CAMKMT: variants seen among roughly 807,000 people sequenced by gnomAD.
CAMKMT encodes the protein CaM KMT.
In CAMKMT, 53 loss-of-function variants were observed where a neutral mutation model predicts 48.0. That is an observed-to-expected ratio of 1.10 (90% confidence interval 0.89 to 1.39). The LOEUF is 1.39. Ranked by LOEUF, CAMKMT falls within the 40% of genes most tolerant of loss-of-function variation. The pLI is 0.00. For synonymous variants in CAMKMT, 165 were observed against 152.3 expected, an observed-to-expected ratio of 1.08 and a Z score of -0.61; for missense variants, 428 against 402.7, an observed-to-expected ratio of 1.06 and a Z score of -0.54.
intron 3 of CAMKMT, among the ~76,000 whole-genome samples, chr2:44,589,923 AAAT>A (rs1203730742): frequency 0.03 from 2,612 of 88,306 alleles, 137 homozygotes; most frequent in African/African-American, 0.089. Flanking sequence ...GAAAAAAAAA[AAAT>A]TTTAATTTCC....
intron 3 of CAMKMT, among the ~76,000 whole-genome samples, chr2:44,448,074 T>C (rs550280066): frequency 3.3e-5 from 5 of 152,340 alleles, no homozygotes; most frequent in Admixed American, 2.6e-4. Context: ...TGCACATTCA[T>C]CCAGTTTGTT....
At chr2:44,467,427 G>T (rs1022414426) in intron 3 of CAMKMT, among the ~76,000 whole-genome samples, 5 of 152,072 alleles carry the variant, frequency 3.3e-5, no homozygotes, top group Non-Finnish European at 7.4e-5. Context: ...AGCTGCTAGG[G>T]AGGATGAGAC....
intron 6 of CAMKMT, among the ~76,000 whole-genome samples, chr2:44,709,789 A>T (rs573403935): frequency 6.6e-6 from 1 of 152,272 alleles, no homozygotes; most frequent in South Asian, 2.1e-4. Context: ...TATTATTCAA[A>T]AATTACTTTC....
At chr2:44,706,399 C>A in intron 5 of CAMKMT, 58 bp downstream of exon 5, 1 of 1,548,680 alleles carries the variant, frequency 6.5e-7, no homozygotes, top group Non-Finnish European at 8.9e-7. Context: ...GAAAAATGTT[C>A]CAGGGCCTCC....
chr2:44,461,140 G>A (rs922018256), intron 3 of CAMKMT, among the ~76,000 whole-genome samples: 4 of 152,016 alleles, frequency 2.6e-5, no homozygotes, highest in Admixed American at 1.3e-4. Flanking sequence ...GTTTCCAGAC[G>A]GTCTAAAAAA....
intron 3 of CAMKMT, among the ~76,000 whole-genome samples, chr2:44,513,881 G>T (rs7588670): frequency 6.6e-6 from 1 of 151,688 alleles, no homozygotes. Flanking sequence ...TGGGCAGATC[G>T]CTTGAGCCCA....
At chr2:44,749,786 C>T (rs1680077668) in intron 8 of CAMKMT, among the ~76,000 whole-genome samples, 1 of 152,190 alleles carries the variant, frequency 6.6e-6, no homozygotes, top group Non-Finnish European at 1.5e-5. Flanking sequence ...CGCAACAGCC[C>T]CCTCTGAGCG....
At chr2:44,363,255 G>A (rs1282930807) in intron 1 of CAMKMT, among the ~76,000 whole-genome samples, 2 of 152,170 alleles carry the variant, frequency 1.3e-5, no homozygotes, top group African/African-American at 4.8e-5. Flanking sequence ...ATAAGAAAAT[G>A]CATGTCCTCA....
At chr2:44,759,365 C>T (rs74425796) in intron 9 of CAMKMT, among the ~76,000 whole-genome samples, 13,051 of 152,288 alleles carry the variant, frequency 0.086, 785 homozygotes, top group Non-Finnish European at 0.13. Context: ...AAGCAATCCT[C>T]CTCCTTGGCC....
Position 44,488,506 on chromosome 2 carries a change from TA to T in CAMKMT, c.376+98209del, listed in dbSNP as rs553955772. Among the ~76,000 whole-genome samples, 149 of 151,940 alleles carry T rather than the reference TA, an allele frequency of 9.8e-4. 1 individual carries two copies. Among genetic ancestry groups the T allele is most frequent in the African/African-American group, 3.4e-3 (141 of 41,474 alleles). Reference sequence around the variant, plus strand: ...GTAACAAGAGCAAAACTCTGTCTTTTAAAAAAAATTTGAGTATGTTATTAAT... The same window carrying T: ...GTAACAAGAGCAAAACTCTGTCTTTTAAAAAAATTTGAGTATGTTATTAAT... On this transcript the variant is annotated intron_variant, in intron 3 of 10. Transcript: ENST00000378494.
At chr2:44,558,053 TCA>T (rs1668114142) in intron 3 of CAMKMT, among the ~76,000 whole-genome samples, 1 of 151,356 alleles carries the variant, frequency 6.6e-6, no homozygotes, top group Non-Finnish European at 1.5e-5. Context: ...ATTCATTCAT[TCA>T]TTCATTCATT....
intron 7 of CAMKMT, among the ~76,000 whole-genome samples, chr2:44,731,549 G>C (rs960048523): frequency 6.6e-6 from 1 of 152,168 alleles, no homozygotes; most frequent in Non-Finnish European, 1.5e-5. Flanking sequence ...TTGAAACAGA[G>C]ACTCTCTGTT....
intron 3 of CAMKMT, among the ~76,000 whole-genome samples, chr2:44,493,843 A>G (rs1558655609): frequency 6.6e-6 from 1 of 152,080 alleles, no homozygotes; most frequent in Non-Finnish European, 1.5e-5. Context: ...TACTTTGTTT[A>G]TTTCCTTCAT....
intron 9 of CAMKMT, among the ~76,000 whole-genome samples, chr2:44,760,673 CT>C (rs1442665867): frequency 6.6e-6 from 1 of 151,278 alleles, no homozygotes; most frequent in East Asian, 2.0e-4. Flanking sequence ...AGACCAGGCT[CT>C]ACTGTATGGG....
rs117746724 is a variant in CAMKMT at position 44,412,238 on chromosome 2, C to T, written c.376+21933C>T. Among the ~76,000 whole-genome samples, 29 of 152,228 alleles carry T rather than the reference C, an allele frequency of 1.9e-4. No individual in the cohort carries two copies. The East Asian group carries it at 3.7e-3, about 19-fold the overall frequency. ...CCCCCTGCGATGCCTGTTCTACTCC[C>T]GTACATACAATGGGGGTTCAAACCA... On this transcript the variant is annotated intron_variant, in intron 3 of 10. Transcript: ENST00000378494.
At position 44,768,085 on chromosome 2, in the gene CAMKMT, CG is replaced by C. The variant is rs1390360104; in HGVS notation, c.894+1525del. Among the ~76,000 whole-genome samples, 11 of 152,264 alleles carry C rather than the reference CG, an allele frequency of 7.2e-5. No individual in the cohort carries two copies. In the South Asian group the frequency reaches 1.4e-3, roughly 20 times the overall value. ...TCTGTCTGGAACTTTAGAGTGTTAG[CG>C]CCTGGTGGCCAGCACACCTCCTCTT... On this transcript the variant is annotated intron_variant, in intron 10 of 10. Coordinates refer to ENST00000378494, the MANE Select transcript of CAMKMT (RefSeq NM_024766.5).
intron 3 of CAMKMT, among the ~76,000 whole-genome samples, chr2:44,668,350 AC>A (rs765239453): frequency 2.0e-4 from 31 of 152,024 alleles, no homozygotes; most frequent in Non-Finnish European, 4.3e-4. Context: ...TATGCTTCAG[AC>A]CCCAGCTCTC....
chr2:44,633,495 C>G (rs1184339353), intron 3 of CAMKMT, among the ~76,000 whole-genome samples: 4 of 152,070 alleles, frequency 2.6e-5, no homozygotes, highest in Non-Finnish European at 5.9e-5. Context: ...TGGTTAGTTT[C>G]TATCACTCTT....
chr2:44,559,654 A>G (rs1230462015), intron 3 of CAMKMT, among the ~76,000 whole-genome samples: 1 of 152,126 alleles, frequency 6.6e-6, no homozygotes. Context: ...GCAGACTAGT[A>G]TGTCTGTAGA....
Sources: gnomAD v4.1 joint callset for allele counts (sites outside exome capture counted in the v4.1 genomes callset) on GRCh38, gnomAD v4.1.1 for gene constraint, MANE v1.5 for transcripts, NCBI Gene and HGNC (gene_info 2026-07-23, HGNC 2026-07-21) for gene names.